Variants in CSMD1 observed in about 807,000 individuals in gnomAD.
CSMD1 encodes CUB and sushi domain-containing protein 1.
A neutral mutation model predicts 417.5 loss-of-function variants in CSMD1; 213 were observed. That is an observed-to-expected ratio of 0.51 (90% confidence interval 0.46 to 0.57). CSMD1 has a LOEUF of 0.57. CSMD1 is among the 20% of genes least tolerant of loss of function. CSMD1 has a pLI of 0.00. For missense variants in CSMD1, 6,923 were observed against 4,529.7 expected, an observed-to-expected ratio of 1.53 and a Z score of -15.17; for synonymous variants, 2,862 against 1,736.8, an observed-to-expected ratio of 1.65 and a Z score of -16.11.
At chr8:4,952,598 A>G (rs2117290760) in intron 1 of CSMD1, among the ~76,000 whole-genome samples, 1 of 152,188 alleles carries the variant, frequency 6.6e-6, no homozygotes, top group Non-Finnish European at 1.5e-5. Flanking sequence ...TTTGTATTTA[A>G]TTCACAATTC....
intron 1 of CSMD1, among the ~76,000 whole-genome samples, chr8:4,644,863 G>A (rs186664806): frequency 1.3e-5 from 2 of 152,318 alleles, no homozygotes; most frequent in East Asian, 3.9e-4. Flanking sequence ...CTAGAATAGT[G>A]CCTGCTAGTT....
chr8:3,759,830 C>A (rs1272387227), intron 5 of CSMD1, among the ~76,000 whole-genome samples: 1 of 148,066 alleles, frequency 6.8e-6, no homozygotes, highest in African/African-American at 2.5e-5. Flanking sequence ...ATTGTTTGAA[C>A]CTGAGAGGCA....
intron 6 of CSMD1, among the ~76,000 whole-genome samples, chr8:3,727,270 T>C (rs1468379816): frequency 6.6e-6 from 1 of 152,226 alleles, no homozygotes; most frequent in Non-Finnish European, 1.5e-5. Context: ...AAAGTAATTC[T>C]ACATACACAT....
At chr8:3,283,883 C>T (rs1802933962) in intron 26 of CSMD1, among the ~76,000 whole-genome samples, 1 of 152,338 alleles carries the variant, frequency 6.6e-6, no homozygotes, top group African/African-American at 2.4e-5. Context: ...TCTGAAGGTT[C>T]CAGTGGCATG....
intron 5 of CSMD1, among the ~76,000 whole-genome samples, chr8:3,928,385 G>C (rs990825727): frequency 6.6e-5 from 10 of 152,214 alleles, no homozygotes; most frequent in Non-Finnish European, 1.5e-4. Flanking sequence ...AAAAAAATGT[G>C]TAGGTAGCAG....
chr8:3,477,819 C>A (rs1563076184), intron 11 of CSMD1, among the ~76,000 whole-genome samples: 1 of 152,144 alleles, frequency 6.6e-6, no homozygotes. Flanking sequence ...TACCCAGCAC[C>A]TAGCCGGGTT....
intron 2 of CSMD1, among the ~76,000 whole-genome samples, chr8:4,546,799 T>A (rs1244556005): frequency 6.6e-6 from 1 of 151,812 alleles, no homozygotes; most frequent in South Asian, 2.1e-4. Flanking sequence ...TAAAAATATA[T>A]GCATAGTTAT....
intron 1 of CSMD1, among the ~76,000 whole-genome samples, chr8:4,924,274 T>A (rs530619378): frequency 6.6e-6 from 1 of 152,368 alleles, no homozygotes; most frequent in East Asian, 1.9e-4. Context: ...CAGTTTTGTA[T>A]CATTTTACTA....
At chr8:3,389,745 G>A (rs113286503) in intron 17 of CSMD1, among the ~76,000 whole-genome samples, 12 of 152,124 alleles carry the variant, frequency 7.9e-5, no homozygotes, top group Middle Eastern at 3.4e-3. Flanking sequence ...GACAAACTGC[G>A]GTAGAAATAA....
intron 3 of CSMD1, among the ~76,000 whole-genome samples, chr8:4,091,636 G>A (rs866731060): frequency 2.6e-5 from 4 of 152,094 alleles, no homozygotes; most frequent in African/African-American, 9.7e-5. Flanking sequence ...TTCCAATAAA[G>A]AGCCCCACAA....
intron 4 of CSMD1, among the ~76,000 whole-genome samples, chr8:4,000,721 T>C (rs1815601806): frequency 6.6e-6 from 1 of 152,076 alleles, no homozygotes; most frequent in African/African-American, 2.4e-5. Context: ...GAGTAATAAT[T>C]GTTTTTCATG....
chr8:4,314,473 C>T (rs6983351), intron 3 of CSMD1, among the ~76,000 whole-genome samples: 2 of 151,894 alleles, frequency 1.3e-5, no homozygotes, highest in Non-Finnish European at 2.9e-5. Context: ...CAATTGCATC[C>T]GTTCCTTGAA....
intron 1 of CSMD1, among the ~76,000 whole-genome samples, chr8:4,778,746 T>A (rs187859449): frequency 6.6e-6 from 1 of 152,344 alleles, no homozygotes; most frequent in African/African-American, 2.4e-5. Flanking sequence ...TCTTTAGGAT[T>A]AAAAGCTCTC....
intron 3 of CSMD1, among the ~76,000 whole-genome samples, chr8:4,406,959 G>T (rs972186109): frequency 2.0e-5 from 3 of 152,262 alleles, no homozygotes; most frequent in African/African-American, 7.2e-5. Flanking sequence ...AGAGTATCTT[G>T]TTTCCTAAAC....
At chr8:4,618,906 C>A (rs901819039) in intron 2 of CSMD1, among the ~76,000 whole-genome samples, 1 of 152,126 alleles carries the variant, frequency 6.6e-6, no homozygotes, top group African/African-American at 2.4e-5. Context: ...GGGCTCTAGC[C>A]ATAAACTCTT....
At chr8:4,924,533 G>A (rs1394512142) in intron 1 of CSMD1, among the ~76,000 whole-genome samples, 1 of 151,898 alleles carries the variant, frequency 6.6e-6, no homozygotes, top group Non-Finnish European at 1.5e-5. Flanking sequence ...GACCAGCCTG[G>A]CCAACATGGC....
chr8:4,639,238 C>T (rs1361380883), intron 1 of CSMD1, among the ~76,000 whole-genome samples: 1 of 146,386 alleles, frequency 6.8e-6, no homozygotes, highest in African/African-American at 2.6e-5. Context: ...TAATTTGGTC[C>T]CTGTGGTTGT....
intron 54 of CSMD1, among the ~76,000 whole-genome samples, chr8:2,981,914 C>T (rs1433144583): frequency 6.6e-6 from 1 of 152,136 alleles, no homozygotes; most frequent in Non-Finnish European, 1.5e-5. Flanking sequence ...ATCCCAGTTG[C>T]ACCCCACCCC....
intron 1 of CSMD1, among the ~76,000 whole-genome samples, chr8:4,757,466 A>G (rs1173091630): frequency 1.3e-5 from 2 of 152,164 alleles, no homozygotes; most frequent in Admixed American, 6.5e-5. Context: ...GACTTATTCA[A>G]CATCAAACAG....
Sources: gnomAD v4.1 joint callset for allele counts (sites outside exome capture counted in the v4.1 genomes callset) on GRCh38, gnomAD v4.1.1 for gene constraint, MANE v1.5 for transcripts, NCBI Gene and HGNC (gene_info 2026-07-23, HGNC 2026-07-21) for gene names.